The following SH3PXD2A variants were observed in gnomAD, a reference collection of about 807,000 sequenced individuals.
SH3PXD2A encodes SH3 and PX domains 2A, also known as SH3 and PX domain-containing protein 2A.
A neutral mutation model predicts 115.2 loss-of-function variants in SH3PXD2A; 32 were observed. That is an observed-to-expected ratio of 0.28 (90% CI 0.21 to 0.37). The LOEUF is 0.37. SH3PXD2A is among the 10% of genes least tolerant of loss of function. The probability of loss-of-function intolerance (pLI) is 1.00; values close to 1 mark genes in which losing one functional copy is unlikely to be tolerated. For missense variants in SH3PXD2A, 1,328 were observed against 1,498.7 expected, an observed-to-expected ratio of 0.89 and a Z score of 1.88; for synonymous variants, 610 against 629.1, an observed-to-expected ratio of 0.97 and a Z score of 0.45.
intron 5 of SH3PXD2A, among the ~76,000 whole-genome samples, chr10:103,697,532 T>C (rs2037839153): frequency 6.6e-6 from 1 of 152,128 alleles, no homozygotes; most frequent in African/African-American, 2.4e-5. Flanking sequence ...CAACCACTGG[T>C]CTCTGTCTAG....
intron 2 of SH3PXD2A, among the ~76,000 whole-genome samples, chr10:103,789,179 G>T (rs1278210827): frequency 4.0e-4 from 1 of 2,524 alleles, no homozygotes; most frequent in African/African-American, 1.0e-3. Context: ...GGGGAGGATG[G>T]GGGGGGTAGA....
intron 4 of SH3PXD2A, among the ~76,000 whole-genome samples, chr10:103,732,247 A>G (rs568257539): frequency 6.6e-6 from 1 of 152,346 alleles, no homozygotes; most frequent in Admixed American, 6.5e-5. Context: ...TCACTTAAAA[A>G]ATTGTGAGTC....
intron 8 of SH3PXD2A, among the ~76,000 whole-genome samples, chr10:103,633,473 T>C (rs961222216): frequency 6.6e-6 from 1 of 151,286 alleles, no homozygotes; most frequent in South Asian, 2.1e-4. Context: ...CTGTAATCCC[T>C]GTAGCACTTT....
chr10:103,833,003 A>G (rs896284454), intron 1 of SH3PXD2A, among the ~76,000 whole-genome samples: 3 of 152,204 alleles, frequency 2.0e-5, no homozygotes, highest in Non-Finnish European at 4.4e-5. Flanking sequence ...TTAAAATTCT[A>G]CGTAAGTGTT....
At position 103,624,740 on chromosome 10, in the gene SH3PXD2A, G is replaced by C. The variant is rs1818229651; in HGVS notation, c.719-2187C>G. 2.0e-5 allele frequency among the ~76,000 whole-genome samples: 3 copies of C among 152,322 alleles called. No individual in the cohort carries two copies. The South Asian group carries it at 6.2e-4, about 32-fold the overall frequency. ...TATGATGGGATGGCCATAGCGCTGG[G>C]GTAGAGATGGCTGGAGAGGGAACTA... On this transcript the variant is annotated intron_variant, in intron 9 of 14. Coordinates refer to ENST00000369774, the MANE Select transcript of SH3PXD2A (RefSeq NM_001394015.1).
chr10:103,805,608 T>C (rs1564893641), intron 1 of SH3PXD2A, among the ~76,000 whole-genome samples: 1 of 152,216 alleles, frequency 6.6e-6, no homozygotes, highest in Non-Finnish European at 1.5e-5. Context: ...TGTTGAAAAC[T>C]GGCAGGGCAT....
intron 2 of SH3PXD2A, among the ~76,000 whole-genome samples, chr10:103,777,291 G>A (rs2038889369): frequency 6.6e-6 from 1 of 152,274 alleles, no homozygotes; most frequent in African/African-American, 2.4e-5. Context: ...TCATGCCAGG[G>A]AAAGTGCTTA....
chr10:103,748,842 T>C (rs1363792176), intron 3 of SH3PXD2A, among the ~76,000 whole-genome samples: 1 of 152,084 alleles, frequency 6.6e-6, no homozygotes, highest in Admixed American at 6.5e-5. Flanking sequence ...GCCACTACAG[T>C]TGCATATTCA....
At chr10:103,772,468 T>C (rs1490442401) in intron 2 of SH3PXD2A, among the ~76,000 whole-genome samples, 1 of 152,232 alleles carries the variant, frequency 6.6e-6, no homozygotes, top group Non-Finnish European at 1.5e-5. Context: ...AGCACGGGCC[T>C]GACTCAGGCT....
chr10:103,617,852 T>A (rs149462288), intron 10 of SH3PXD2A, among the ~76,000 whole-genome samples: 13 of 152,292 alleles, frequency 8.5e-5, no homozygotes, highest in Non-Finnish European at 1.9e-4. Context: ...GGACACCTCC[T>A]CGGTGAAGCC....
intron 5 of SH3PXD2A, among the ~76,000 whole-genome samples, chr10:103,721,719 C>T (rs1024252898): frequency 5.9e-5 from 9 of 152,208 alleles, no homozygotes; most frequent in Non-Finnish European, 1.5e-5. Flanking sequence ...GAGAACATCA[C>T]AGCTGGGCAA....
intron 5 of SH3PXD2A, among the ~76,000 whole-genome samples, chr10:103,719,721 C>CTTTTTTTTTTTTTTTTTTTTTTTT (rs11438501): frequency 8.7e-6 from 1 of 114,720 alleles, no homozygotes; most frequent in Non-Finnish European, 1.7e-5. Flanking sequence ...TTTTTTCTTT[C>CTTTTTTTTTTTTTTTTTTTTTTTT]TTTTTTTTTT....
intron 3 of SH3PXD2A, among the ~76,000 whole-genome samples, chr10:103,741,285 T>G (rs990735505): frequency 6.6e-6 from 1 of 152,134 alleles, no homozygotes; most frequent in African/African-American, 2.4e-5. Flanking sequence ...AGAAAAGAGT[T>G]TGGTTTTATT....
chr10:103,817,113 G>A (rs191573548), intron 1 of SH3PXD2A, among the ~76,000 whole-genome samples: 2 of 150,314 alleles, frequency 1.3e-5, no homozygotes, highest in African/African-American at 2.5e-5. Context: ...CAAAGTGTTC[G>A]GATTACAGGT....
intron 13 of SH3PXD2A, among the ~76,000 whole-genome samples, chr10:103,608,152 A>AAAAAAAAAAAAAAAAAGTTTAC (rs1564842922): frequency 3.9e-4 from 54 of 138,668 alleles, no homozygotes; most frequent in Non-Finnish European, 5.3e-4. Flanking sequence ...GATCAATTTA[A>AAAAAAAAAAAAAAAAAGTTTAC]AAAAAAAAAA....
Position 103,725,931 on chromosome 10 carries a change from C to T in SH3PXD2A, c.307-1570G>A, listed in dbSNP as rs141753977. ...TCAGAGTTCATGCTGCACACCAGCA[C>T]GCAGGACCCTGACCTGGCCCAGTCC... On this transcript the variant is annotated intron_variant, in intron 4 of 14. Transcript: ENST00000369774. Among the ~76,000 whole-genome samples the T allele has an allele frequency of 6.0e-4, 92 of 152,234 alleles. No homozygotes were observed. The East Asian group carries it at 0.017, about 28-fold the overall frequency.
intron 1 of SH3PXD2A, among the ~76,000 whole-genome samples, chr10:103,809,229 G>A (rs1351642905): frequency 1.3e-5 from 2 of 152,130 alleles, no homozygotes; most frequent in African/African-American, 4.8e-5. Flanking sequence ...TGGATGTAGT[G>A]GAGGGTGACC....
In SH3PXD2A at chr10:103,850,763, C is replaced by T. The variant is rs539732388; in HGVS notation, c.72+4432G>A. Among the ~76,000 whole-genome samples, 18 of 152,302 alleles carry T rather than the reference C, an allele frequency of 1.2e-4. No individual in the cohort carries two copies. In the East Asian group the frequency reaches 2.5e-3, roughly 21 times the overall value. On this transcript the variant is annotated intron_variant, in intron 1 of 14. Transcript: ENST00000369774. ...CCCATCAGACTGTGAAAAGCTGGGCCGTCCTTCTTGCCTCAGTCTTTCCTT... is the reference window on the plus strand; with the variant it reads ...CCCATCAGACTGTGAAAAGCTGGGCTGTCCTTCTTGCCTCAGTCTTTCCTT...
At chr10:103,730,053 CTG>C (rs1310278282) in intron 4 of SH3PXD2A, among the ~76,000 whole-genome samples, 1 of 152,220 alleles carries the variant, frequency 6.6e-6, no homozygotes, top group African/African-American at 2.4e-5. Flanking sequence ...CCCCGGCAGA[CTG>C]TGCTCAGGCC....
Sources: allele counts gnomAD v4.1 joint callset (sites outside exome capture counted in the v4.1 genomes callset), GRCh38; gene constraint gnomAD v4.1.1; transcripts MANE v1.5; gene names NCBI Gene and HGNC (gene_info 2026-07-23, HGNC 2026-07-21).